FRMPD4: variants seen among roughly 807,000 people sequenced by gnomAD.
FRMPD4 encodes FERM and PDZ domain containing 4.
A neutral mutation model predicts 94.1 loss-of-function variants in FRMPD4; 22 were observed. The ratio of observed to expected loss-of-function variants is 0.23; its 90% CI spans 0.17 to 0.33. FRMPD4 has a LOEUF of 0.33. Ranked by LOEUF, FRMPD4 falls within the 10% of genes least tolerant of loss-of-function variation. The pLI is 1.00. For missense variants in FRMPD4, 1,111 were observed against 1,339.9 expected (o/e 0.83, Z 2.67); for synonymous variants, 631 against 548.6 (o/e 1.15, Z -2.10).
intron 12 of FRMPD4, 66 bp from the exon 13 acceptor site, chrX:12,707,403 T>G (rs2041897229): frequency 3.7e-6 from 3 of 817,706 alleles, no homozygotes; most frequent in Non-Finnish European, 3.5e-6. Context: ...AATAGGATCA[T>G]AGGTTCAAGT....
intron 1 of FRMPD4, among the ~76,000 whole-genome samples, chrX:12,297,864 T>C (rs2054797054): frequency 9.0e-6 from 1 of 111,704 alleles, no homozygotes; most frequent in African/African-American, 3.3e-5. Context: ...TCATGCCATA[T>C]ATCTTACCTC....
chrX:12,516,527 A>G (rs1421675816), intron 2 of FRMPD4, among the ~76,000 whole-genome samples: 2 of 111,504 alleles, frequency 1.8e-5, no homozygotes, highest in African/African-American at 3.3e-5. Context: ...ATGCCCCCCA[A>G]TCTCTTCTGG....
At chrX:11,929,269 G>T (rs1463524784) in intron 3 of FRMPD4, among the ~76,000 whole-genome samples, 1 of 112,177 alleles carries the variant, frequency 8.9e-6, no homozygotes. Flanking sequence ...ACTAAAAAGA[G>T]ATGTGAGTGG....
chrX:12,448,097 C>A (rs765958072), intron 1 of FRMPD4, among the ~76,000 whole-genome samples: 2 of 111,360 alleles, frequency 1.8e-5, no homozygotes, highest in Non-Finnish European at 3.8e-5. Flanking sequence ...TTTTAGAATC[C>A]TCTGACTGTG....
At chrX:12,442,373 G>A (rs915791458) in intron 1 of FRMPD4, among the ~76,000 whole-genome samples, 7 of 110,976 alleles carry the variant, frequency 6.3e-5, no homozygotes, top group Non-Finnish European at 1.1e-4. Context: ...GGTGAAAGAA[G>A]AAATAAGTAC....
chrX:12,243,739 C>G (rs1380454420), intron 1 of FRMPD4, among the ~76,000 whole-genome samples: 1 of 104,018 alleles, frequency 9.6e-6, no homozygotes, highest in African/African-American at 3.6e-5. Context: ...GTGCAGCATC[C>G]TGGGCCCACA....
In FRMPD4 at chrX:12,122,423, T is replaced by C. The variant is rs375144858; in HGVS notation, c.95+244405T>C. On this transcript the variant is annotated intron_variant, in intron 3 of 18. Transcript: ENST00000640291. ...GTCCTTGGAGTGGTCTCTGTATAGA[T>C]GGGGAAAGAGAGAGTGGAAAACTGT... is the stretch of plus-strand genomic sequence containing the variant. 1.4e-4 allele frequency among the ~76,000 whole-genome samples: 16 copies of C among 111,433 alleles called. No individual in the cohort carries two copies. The East Asian group carries it at 4.0e-3, about 28-fold the overall frequency.
intron 3 of FRMPD4, among the ~76,000 whole-genome samples, chrX:12,000,346 A>G: frequency 8.9e-6 from 1 of 112,206 alleles, no homozygotes; most frequent in Middle Eastern, 4.6e-3. Context: ...GCATATCTGT[A>G]TTTCAACTCT....
intron 1 of FRMPD4, among the ~76,000 whole-genome samples, chrX:12,263,751 T>G (rs1180496353): frequency 9.1e-6 from 1 of 110,340 alleles, no homozygotes; most frequent in Non-Finnish European, 1.9e-5. Context: ...TAGTCTGTTT[T>G]GTGTTGCTAT....
intron 2 of FRMPD4, among the ~76,000 whole-genome samples, chrX:12,542,855 T>C (rs1222449100): frequency 3.6e-5 from 4 of 112,085 alleles, no homozygotes; most frequent in South Asian, 3.7e-4. Context: ...AAGGCTACAG[T>C]AACCAAAACA....
At position 12,721,918 on chromosome X, in the gene FRMPD4, T is replaced by A; in HGVS notation, c.*60T>A. The A allele has an allele frequency of 1.1e-5, 6 of 536,556 alleles. No individual in the cohort carries two copies. Among genetic ancestry groups the A allele is most frequent in the Non-Finnish European group, 1.4e-5 (6 of 438,759 alleles). The allele number at this position is 536,556 out of a possible 1,213,427, so 44.2% of individuals were successfully genotyped here. On this transcript the variant is annotated 3_prime_UTR_variant, in exon 17 of 17. Coordinates refer to ENST00000675598, the MANE Select transcript of FRMPD4 (RefSeq NM_001368397.1). ...GCCATACATGAACTTTTATTTACTT[T>A]GTGTGTATGATGAACAGATGTCTCC...
intron 1 of FRMPD4, among the ~76,000 whole-genome samples, chrX:12,427,996 G>A (rs772072946): frequency 1.2e-5 from 1 of 85,178 alleles, no homozygotes; most frequent in East Asian, 4.4e-4. Context: ...TGCAAGCTCC[G>A]CCTCCCGGGT....
chrX:12,490,355 T>C (rs1270086492), intron 1 of FRMPD4, among the ~76,000 whole-genome samples: 2 of 110,429 alleles, frequency 1.8e-5, no homozygotes, highest in African/African-American at 6.6e-5. Flanking sequence ...CATGTGAACT[T>C]TGGGGGACAC....
intron 1 of FRMPD4, among the ~76,000 whole-genome samples, chrX:12,280,247 A>AAATAATATAAT (rs1555946031): frequency 2.0e-5 from 2 of 102,224 alleles, no homozygotes; most frequent in Non-Finnish European, 3.9e-5. Context: ...GGCTGCTTTA[A>AAATAATATAAT]AATAATAATA....
At chrX:12,221,045 A>G (rs1432995453) in intron 1 of FRMPD4, among the ~76,000 whole-genome samples, 1 of 112,169 alleles carries the variant, frequency 8.9e-6, no homozygotes, top group Non-Finnish European at 1.9e-5. Flanking sequence ...TGTATGCCCT[A>G]GATGTACCTT....
intron 5 of FRMPD4, among the ~76,000 whole-genome samples, chrX:12,678,368 A>G (rs915366464): frequency 4.4e-5 from 5 of 112,412 alleles, no homozygotes; most frequent in Admixed American, 1.9e-4. Flanking sequence ...CATGGGTTTT[A>G]TTTGTTTGGC....
intron 3 of FRMPD4, among the ~76,000 whole-genome samples, chrX:12,013,206 T>C (rs2054589487): frequency 8.9e-6 from 1 of 112,155 alleles, no homozygotes; most frequent in Admixed American, 9.4e-5. Context: ...AGCATTGTAT[T>C]ACATTGTTTC....
intron 4 of FRMPD4, among the ~76,000 whole-genome samples, chrX:12,671,115 G>T (rs985610297): frequency 8.9e-6 from 1 of 111,970 alleles, no homozygotes. Flanking sequence ...TGGAGAAATA[G>T]GAATGCTTTT....
chrX:12,590,691 G>C (rs1388978782), intron 2 of FRMPD4, among the ~76,000 whole-genome samples: 2 of 111,924 alleles, frequency 1.8e-5, no homozygotes, highest in Non-Finnish European at 3.8e-5. Context: ...TGAAAATAAA[G>C]AGATGAATAT....
Sources: allele counts gnomAD v4.1 joint callset (sites outside exome capture counted in the v4.1 genomes callset), GRCh38; gene constraint gnomAD v4.1.1; transcripts MANE v1.5; gene names NCBI Gene and HGNC (gene_info 2026-07-23, HGNC 2026-07-21).